Variants in ACSS3 observed in about 807,000 individuals in gnomAD.
The protein encoded by ACSS3 is acyl-CoA synthetase short-chain family member 3, mitochondrial.
In ACSS3, 64 loss-of-function variants were observed where a neutral mutation model predicts 84.2. The ratio of observed to expected loss-of-function variants is 0.76; its 90% CI spans 0.62 to 0.94. The LOEUF is 0.94. Among genes scored for constraint, ACSS3 ranks in the 40% least tolerant of loss-of-function variants. ACSS3 has a pLI of 0.00. For missense variants in ACSS3, 815 were observed against 867.6 expected, an observed-to-expected ratio of 0.94 and a Z score of 0.76; for synonymous variants, 317 against 310.1, an observed-to-expected ratio of 1.02 and a Z score of -0.23.
chr12:81,152,714 T>A (rs1301971056), intron 7 of ACSS3, among the ~76,000 whole-genome samples: 1 of 152,192 alleles, frequency 6.6e-6, no homozygotes, highest in Non-Finnish European at 1.5e-5. Context: ...CTATCAGATC[T>A]GTAGAAGATC....
chr12:81,091,350 TTA>T (rs1384165493), intron 1 of ACSS3, among the ~76,000 whole-genome samples: 1 of 151,996 alleles, frequency 6.6e-6, no homozygotes, highest in Non-Finnish European at 1.5e-5. Context: ...TTATCATAAA[TTA>T]TGATAAAATT....
chr12:81,238,561 C>T (rs2033699501), intron 13 of ACSS3, among the ~76,000 whole-genome samples: 1 of 151,698 alleles, frequency 6.6e-6, no homozygotes, highest in African/African-American at 2.4e-5. Context: ...TAGGCCTATT[C>T]AGATTGTCAA....
chr12:81,220,596 T>A (rs1358823238), intron 11 of ACSS3, among the ~76,000 whole-genome samples: 1 of 151,998 alleles, frequency 6.6e-6, no homozygotes, highest in Non-Finnish European at 1.5e-5. Flanking sequence ...CCTCCCTCCC[T>A]CACACCTTTT....
intron 11 of ACSS3, among the ~76,000 whole-genome samples, chr12:81,225,733 C>T (rs563912847): frequency 8.6e-5 from 13 of 152,044 alleles, no homozygotes; most frequent in South Asian, 4.2e-4. Flanking sequence ...AGGATCTCCA[C>T]GTGTCTGTGA....
intron 8 of ACSS3, among the ~76,000 whole-genome samples, chr12:81,199,023 AATAT>A (rs1218530739): frequency 6.6e-6 from 1 of 152,156 alleles, no homozygotes; most frequent in African/African-American, 2.4e-5. Flanking sequence ...GTCAAGGTGA[AATAT>A]ATTTTATCTT....
At chr12:81,221,265 A>T (rs2033097703) in intron 11 of ACSS3, among the ~76,000 whole-genome samples, 1 of 151,990 alleles carries the variant, frequency 6.6e-6, no homozygotes, top group Admixed American at 6.6e-5. Flanking sequence ...ATCTTTACTG[A>T]TAGAGTTTAA....
At chr12:81,095,308 TA>T (rs1451891681) in intron 1 of ACSS3, among the ~76,000 whole-genome samples, 1 of 152,216 alleles carries the variant, frequency 6.6e-6, no homozygotes, top group African/African-American at 2.4e-5. Flanking sequence ...TGCTTTCCTT[TA>T]AAAACTCTAC....
At chr12:81,110,952 T>TC (rs1354864475) in intron 2 of ACSS3, among the ~76,000 whole-genome samples, 1 of 152,164 alleles carries the variant, frequency 6.6e-6, no homozygotes, top group African/African-American at 2.4e-5. Flanking sequence ...ATATTCTTTT[T>TC]CATCAGCAAG....
chr12:81,126,105 T>C (rs1202743883), intron 2 of ACSS3, among the ~76,000 whole-genome samples: 1 of 152,172 alleles, frequency 6.6e-6, no homozygotes, highest in Non-Finnish European at 1.5e-5. Flanking sequence ...ATGTCTAATA[T>C]TGTTTCTTCA....
chr12:81,090,162 C>T (rs990473596), intron 1 of ACSS3, among the ~76,000 whole-genome samples: 1 of 152,106 alleles, frequency 6.6e-6, no homozygotes, highest in East Asian at 1.9e-4. Context: ...TAAGTCCTCA[C>T]TGTTTTCCCA....
chr12:81,178,999 A>G (rs1435330782), intron 8 of ACSS3, among the ~76,000 whole-genome samples: 1 of 152,128 alleles, frequency 6.6e-6, no homozygotes, highest in Admixed American at 6.5e-5. Flanking sequence ...CTACAGATGT[A>G]CCACCATCTA....
At chr12:81,211,217 C>A (rs1274787944) in intron 9 of ACSS3, among the ~76,000 whole-genome samples, 10 of 152,114 alleles carry the variant, frequency 6.6e-5, no homozygotes, top group Admixed American at 6.5e-4. Flanking sequence ...TAGGCTCAAG[C>A]AGTGCACCTG....
chr12:81,126,676 A>C (rs558384154), intron 2 of ACSS3, among the ~76,000 whole-genome samples: 2 of 152,178 alleles, frequency 1.3e-5, no homozygotes, highest in Non-Finnish European at 2.9e-5. Flanking sequence ...ACAGTCTGAA[A>C]ATCACAGTAG....
At chr12:81,235,027 G>A (rs1054980346) in intron 13 of ACSS3, among the ~76,000 whole-genome samples, 11 of 151,038 alleles carry the variant, frequency 7.3e-5, no homozygotes, top group Non-Finnish European at 1.5e-4. Context: ...GAGTTTTATA[G>A]TTTTATGTTT....
intron 9 of ACSS3, among the ~76,000 whole-genome samples, chr12:81,203,607 G>A (rs528664386): frequency 1.4e-4 from 21 of 152,074 alleles, no homozygotes; most frequent in Admixed American, 2.6e-4. Context: ...GAACAGATTA[G>A]CACCCTCCAC....
rs1381496393 is a variant in ACSS3, at chr12:81,254,942, T to C, written c.*20T>C. On this transcript the variant is annotated 3_prime_UTR_variant, in exon 16 of 16. Coordinates refer to ENST00000548058, the MANE Select transcript of ACSS3 (RefSeq NM_024560.4). ...GCATAATGAGTTTGTCTTATTCCTA[T>C]TTTGAGTTGATTTAATTTCTTAATT... is the stretch of plus-strand genomic sequence containing the variant. The C allele has an allele frequency of 6.5e-7, 1 of 1,544,180 alleles. No homozygotes were observed. The highest frequency in any genetic ancestry group is 8.8e-7 in the Non-Finnish European group (1 of 1,139,154).
At chr12:81,127,994 A>G (rs1885222415) in intron 2 of ACSS3, among the ~76,000 whole-genome samples, 1 of 152,096 alleles carries the variant, frequency 6.6e-6, no homozygotes, top group African/African-American at 2.4e-5. Flanking sequence ...TTTTTTATTA[A>G]TTTAGTTTTC....
chr12:81,118,687 C>A (rs927817312), intron 2 of ACSS3, among the ~76,000 whole-genome samples: 3 of 152,022 alleles, frequency 2.0e-5, no homozygotes, highest in Non-Finnish European at 4.4e-5. Flanking sequence ...ATAAATAATA[C>A]CTGAAATTGA....
intron 8 of ACSS3, among the ~76,000 whole-genome samples, chr12:81,180,491 G>A (rs1201060444): frequency 6.6e-6 from 1 of 152,080 alleles, no homozygotes; most frequent in Non-Finnish European, 1.5e-5. Context: ...ATCCATCTAT[G>A]TATCTATCTA....
Sources: allele counts gnomAD v4.1 joint callset (sites outside exome capture counted in the v4.1 genomes callset), GRCh38; gene constraint gnomAD v4.1.1; transcripts MANE v1.5; gene names NCBI Gene and HGNC (gene_info 2026-07-23, HGNC 2026-07-21).